CHCHD3: variants seen among roughly 807,000 people sequenced by gnomAD.
CHCHD3 encodes MICOS complex subunit MIC19.
CHCHD3 carries 20 observed loss-of-function variants against 38.2 expected under a neutral mutation model. The observed-to-expected ratio is 0.52, with a 90% CI of 0.37 to 0.76. The LOEUF (loss-of-function observed/expected upper bound fraction) is 0.76. Ranked by LOEUF, CHCHD3 falls within the 30% of genes least tolerant of loss-of-function variation. The pLI is 0.00. For synonymous variants in CHCHD3, 82 were observed against 100.0 expected (o/e 0.82, Z 1.07); for missense variants, 245 against 279.2 (o/e 0.88, Z 0.87).
rs1427878624 is a variant in CHCHD3, at chr7:132,924,955, C to T, written c.370-39210G>A. On this transcript the variant is annotated intron_variant, in intron 4 of 7. Coordinates refer to ENST00000262570, the MANE Select transcript of CHCHD3 (RefSeq NM_017812.4). ...TCCAGAACTGAAAAGAACTGCTGAACACTGGGGGTGAACCTGTATCCCTTT... is the reference window on the plus strand; with the variant it reads ...TCCAGAACTGAAAAGAACTGCTGAATACTGGGGGTGAACCTGTATCCCTTT... Among the ~76,000 whole-genome samples the T allele has an allele frequency of 2.6e-5, 4 of 152,144 alleles. No homozygotes were observed. In the East Asian group the frequency reaches 5.8e-4, roughly 22 times the overall value.
intron 4 of CHCHD3, among the ~76,000 whole-genome samples, chr7:132,964,506 G>A (rs929970617): frequency 1.3e-5 from 2 of 152,152 alleles, no homozygotes; most frequent in Non-Finnish European, 1.5e-5. Flanking sequence ...ACTTGAACCC[G>A]GGAGGCGGAA....
intron 4 of CHCHD3, among the ~76,000 whole-genome samples, chr7:132,923,848 A>C (rs1810314840): frequency 6.6e-6 from 1 of 152,218 alleles, no homozygotes. Flanking sequence ...GATACATGGA[A>C]GTTCAACTTG....
intron 4 of CHCHD3, among the ~76,000 whole-genome samples, chr7:132,948,265 C>T (rs2117282363): frequency 6.6e-6 from 1 of 152,104 alleles, no homozygotes; most frequent in East Asian, 1.9e-4. Context: ...TGGCTGTTTC[C>T]AAAAATCAAA....
intron 5 of CHCHD3, among the ~76,000 whole-genome samples, chr7:132,855,337 G>A (rs1808320212): frequency 6.6e-6 from 1 of 152,182 alleles, no homozygotes; most frequent in Non-Finnish European, 1.5e-5. Context: ...CATATCTGAA[G>A]TTTAATTTCT....
chr7:132,833,283 G>C (rs766635093), intron 6 of CHCHD3, among the ~76,000 whole-genome samples: 6 of 152,270 alleles, frequency 3.9e-5, no homozygotes, highest in South Asian at 2.1e-4. Context: ...AAAAGAAAAG[G>C]TATTCCTTTT....
At chr7:132,905,740 A>T (rs924838916) in intron 4 of CHCHD3, among the ~76,000 whole-genome samples, 1 of 152,234 alleles carries the variant, frequency 6.6e-6, no homozygotes, top group Non-Finnish European at 1.5e-5. Flanking sequence ...ACGTATTTAA[A>T]AGCATGTATT....
chr7:132,942,350 T>G (rs1179826189), intron 4 of CHCHD3, among the ~76,000 whole-genome samples: 1 of 152,178 alleles, frequency 6.6e-6, no homozygotes, highest in Non-Finnish European at 1.5e-5. Context: ...AATATATTCT[T>G]TTTTTCATAG....
intron 5 of CHCHD3, among the ~76,000 whole-genome samples, chr7:132,856,788 A>C (rs1487744884): frequency 6.6e-6 from 1 of 152,186 alleles, no homozygotes; most frequent in Non-Finnish European, 1.5e-5. Context: ...CTCATCATTT[A>C]CTCATTACAC....
chr7:133,073,391 T>A (rs966656843), intron 1 of CHCHD3, among the ~76,000 whole-genome samples: 1 of 152,206 alleles, frequency 6.6e-6, no homozygotes, highest in African/African-American at 2.4e-5. Flanking sequence ...AATAAATGCA[T>A]TCACTCGAGC....
chr7:132,998,642 A>G (rs1812487727), intron 3 of CHCHD3, among the ~76,000 whole-genome samples: 1 of 152,206 alleles, frequency 6.6e-6, no homozygotes, highest in Non-Finnish European at 1.5e-5. Flanking sequence ...GCATTTAGGA[A>G]TCAACTCTGC....
chr7:132,850,473 G>C (rs559118641), intron 5 of CHCHD3, among the ~76,000 whole-genome samples: 3 of 111,944 alleles, frequency 2.7e-5, no homozygotes. Context: ...TTCTTGATTT[G>C]GTTTTCTAAT....
intron 4 of CHCHD3, among the ~76,000 whole-genome samples, chr7:132,926,454 G>C (rs1048977548): frequency 2.6e-5 from 4 of 152,090 alleles, no homozygotes; most frequent in African/African-American, 9.7e-5. Flanking sequence ...ATATCTGATG[G>C]CTGAGATCTG....
chr7:132,917,270 C>T (rs1006823791), intron 4 of CHCHD3, among the ~76,000 whole-genome samples: 1 of 150,780 alleles, frequency 6.6e-6, no homozygotes, highest in Non-Finnish European at 1.5e-5. Context: ...AAACTAAATC[C>T]CCCCTGCTGA....
chr7:132,851,458 C>T (rs910522398), intron 5 of CHCHD3, among the ~76,000 whole-genome samples: 22 of 152,130 alleles, frequency 1.4e-4, no homozygotes, highest in Non-Finnish European at 2.8e-4. Context: ...GGTCTCAAAT[C>T]CTTCTATTAT....
At chr7:133,010,902 G>A (rs1314808979) in intron 3 of CHCHD3, among the ~76,000 whole-genome samples, 1 of 152,042 alleles carries the variant, frequency 6.6e-6, no homozygotes, top group Non-Finnish European at 1.5e-5. Context: ...GCAGGAGACA[G>A]ACAAGAAACA....
chr7:132,891,415 C>T (rs1041136429), intron 4 of CHCHD3, among the ~76,000 whole-genome samples: 8 of 152,206 alleles, frequency 5.3e-5, no homozygotes, highest in African/African-American at 1.9e-4. Flanking sequence ...TGTCCACTAA[C>T]ACTATAACAC....
chr7:133,028,215 T>C (rs553329589), intron 2 of CHCHD3, among the ~76,000 whole-genome samples: 16 of 152,188 alleles, frequency 1.1e-4, no homozygotes, highest in Non-Finnish European at 2.4e-4. Context: ...CCTAGATTAC[T>C]TCAAGTTACA....
rs763605300 is a variant in CHCHD3 at position 133,035,079 on chromosome 7, G to A, written c.170-10452C>T. On this transcript the variant is annotated intron_variant, in intron 2 of 7. Coordinates refer to ENST00000262570, the MANE Select transcript of CHCHD3 (RefSeq NM_017812.4). The surrounding 1 kb of genome is among the most constrained non-coding windows in gnomAD (Gnocchi z 4.7). ...CACAAAGGTACTCTTGGGCAGGTGA[G>A]CGAAGGGGTCCTTGGCCTTGGGCTC... 8 of 1,613,794 alleles carry A rather than the reference G, an allele frequency of 5.0e-6. 1 individual carries two copies. The South Asian group carries it at 8.8e-5, about 18-fold the overall frequency.
intron 5 of CHCHD3, among the ~76,000 whole-genome samples, chr7:132,868,809 T>C (rs1199360090): frequency 6.6e-6 from 1 of 152,142 alleles, no homozygotes; most frequent in Non-Finnish European, 1.5e-5. Flanking sequence ...TTGTGAACAC[T>C]GTCCCACAAA....
Sources: gnomAD v4.1 joint callset for allele counts (sites outside exome capture counted in the v4.1 genomes callset) on GRCh38, gnomAD v4.1.1 for gene constraint, Gnocchi (gnomAD v3.1) non-coding constraint, MANE v1.5 for transcripts, NCBI Gene and HGNC (gene_info 2026-07-23, HGNC 2026-07-21) for gene names.